The following FOXN3 variants were observed in gnomAD, a reference collection of about 807,000 sequenced individuals.
FOXN3 encodes forkhead box protein N3.
In FOXN3, 7 loss-of-function variants were observed where a neutral mutation model predicts 38.4. The observed-to-expected ratio is 0.18, with a 90% confidence interval of 0.10 to 0.34. The LOEUF is 0.34. FOXN3 is among the 10% of genes least tolerant of loss of function. FOXN3 has a pLI of 1.00. For missense variants in FOXN3, 456 were observed against 613.4 expected (o/e 0.74, Z 2.71); for synonymous variants, 230 against 242.2 (o/e 0.95, Z 0.47).
chr14:89,419,079 T>G, upstream of FOXN3: 19 of 455,728 alleles, frequency 4.2e-5, 1 homozygote, highest in South Asian at 2.9e-4. Flanking sequence ...AAGGTGATTG[T>G]ACATGGAATA....
chr14:89,363,265 C>T (rs1284452695), intron 2 of FOXN3, among the ~76,000 whole-genome samples: 1 of 152,180 alleles, frequency 6.6e-6, no homozygotes, highest in Non-Finnish European at 1.5e-5. Context: ...TTCTTGTCAC[C>T]ATACCTCCTC....
intron 4 of FOXN3, among the ~76,000 whole-genome samples, chr14:89,270,307 A>G (rs748912534): frequency 6.6e-6 from 1 of 152,198 alleles, no homozygotes; most frequent in Non-Finnish European, 1.5e-5. Context: ...GGAAGGATCT[A>G]TGTTACTATT....
chr14:89,201,349 C>T (rs774784187), intron 4 of FOXN3, among the ~76,000 whole-genome samples: 24 of 152,168 alleles, frequency 1.6e-4, no homozygotes, highest in Non-Finnish European at 3.4e-4. Flanking sequence ...CGATTAATGC[C>T]GAAGCCCTCT....
intron 1 of FOXN3, among the ~76,000 whole-genome samples, chr14:89,431,585 G>A (rs2140114050): frequency 6.6e-6 from 1 of 152,282 alleles, no homozygotes; most frequent in South Asian, 2.1e-4. Context: ...AGTTCTTGCA[G>A]CTGTTTGTTT....
intron 4 of FOXN3, among the ~76,000 whole-genome samples, chr14:89,235,527 A>G (rs944439609): frequency 6.6e-6 from 1 of 152,192 alleles, no homozygotes; most frequent in African/African-American, 2.4e-5. Flanking sequence ...GGGTCCTGGC[A>G]ATCATGGCAG....
At chr14:89,554,649 C>A (rs887733326) in intron 1 of FOXN3, among the ~76,000 whole-genome samples, 6 of 151,992 alleles carry the variant, frequency 3.9e-5, no homozygotes, top group Non-Finnish European at 7.4e-5. Flanking sequence ...TACTTCTCAA[C>A]AGCAAAAGAA....
At chr14:89,560,774 T>A (rs1259580561) in intron 1 of FOXN3, among the ~76,000 whole-genome samples, 3 of 152,186 alleles carry the variant, frequency 2.0e-5, no homozygotes, top group African/African-American at 4.8e-5. Flanking sequence ...TTTATACACA[T>A]CCACGTGGCT....
intron 1 of FOXN3, among the ~76,000 whole-genome samples, chr14:89,579,126 A>T (rs1895693232): frequency 6.7e-6 from 1 of 149,674 alleles, no homozygotes; most frequent in Non-Finnish European, 1.5e-5. Flanking sequence ...CTAGGATTAC[A>T]GGCATGAGCC....
At chr14:89,237,056 T>C (rs1213226738) in intron 4 of FOXN3, among the ~76,000 whole-genome samples, 1 of 152,108 alleles carries the variant, frequency 6.6e-6, no homozygotes, top group African/African-American at 2.4e-5. Context: ...ACATGATCAT[T>C]TGGCAAACAA....
At chr14:89,204,702 G>A (rs1888331196) in intron 4 of FOXN3, among the ~76,000 whole-genome samples, 2 of 152,060 alleles carry the variant, frequency 1.3e-5, no homozygotes, top group South Asian at 4.1e-4. Context: ...GTCCTACATT[G>A]GTACAATGAG....
intron 3 of FOXN3, among the ~76,000 whole-genome samples, chr14:89,284,230 G>A (rs1210318914): frequency 2.0e-5 from 3 of 151,832 alleles, no homozygotes; most frequent in Non-Finnish European, 4.4e-5. Flanking sequence ...TGCTGAGGCT[G>A]GTCTCAAACT....
chr14:89,609,075 G>T (rs1389158819), intron 1 of FOXN3, among the ~76,000 whole-genome samples: 1 of 152,202 alleles, frequency 6.6e-6, no homozygotes, highest in African/African-American at 2.4e-5. Context: ...AGCGAGTTCA[G>T]GGGTGAAGAG....
At chr14:89,284,439 AC>A in intron 3 of FOXN3, 1 of 456,068 alleles carries the variant, frequency 2.2e-6, no homozygotes, top group South Asian at 1.5e-5. Context: ...ATAGAGACAC[AC>A]GCATCAACAG....
chr14:89,597,995 C>T (rs911887036), intron 1 of FOXN3, among the ~76,000 whole-genome samples: 1 of 151,320 alleles, frequency 6.6e-6, no homozygotes, highest in Non-Finnish European at 1.5e-5. Context: ...TTCTATTTTT[C>T]ATCTTTGTTT....
intron 1 of FOXN3, among the ~76,000 whole-genome samples, chr14:89,590,901 CAGAG>C (rs1179413308): frequency 2.0e-5 from 3 of 152,148 alleles, no homozygotes; most frequent in African/African-American, 4.8e-5. Context: ...GAATGCCACT[CAGAG>C]AGGCCAGGAA....
Position 89,467,800 on chromosome 14 carries a change from CTTTGTTTTTTTT to C in FOXN3, c.-14-55322_-14-55311del, listed in dbSNP as rs1416259385. The stretch of plus-strand genomic sequence containing the variant: ...TCTTCTTCTTCCTTTTCTTTTCTTT[CTTTGTTTTTTTT>C]TTTTTTTTTTTTTTTTGGGTAGAGA... On this transcript the variant is annotated intron_variant, in intron 1 of 6. Coordinates refer to the FOXN3 transcript ENST00000345097. 9.3e-4 allele frequency among the ~76,000 whole-genome samples: 54 copies of C among 57,916 alleles called. 1 individual carries two copies. The highest frequency in any genetic ancestry group is 2.5e-3 in the African/African-American group (48 of 18,836). The allele number at this position is 57,916 out of a possible 152,430, so 38.0% of individuals were successfully genotyped here.
intron 2 of FOXN3, among the ~76,000 whole-genome samples, chr14:89,388,477 G>A (rs929264762): frequency 1.3e-5 from 2 of 152,126 alleles, no homozygotes; most frequent in Non-Finnish European, 2.9e-5. Context: ...CAGGGTCAGC[G>A]CCTAGGAAGC....
intron 5 of FOXN3, among the ~76,000 whole-genome samples, chr14:89,178,334 G>A (rs1887579715): frequency 6.6e-6 from 1 of 152,124 alleles, no homozygotes; most frequent in African/African-American, 2.4e-5. Flanking sequence ...ACTTTTTGTA[G>A]AGCTGGGATC....
chr14:89,505,668 C>T (rs533212091), intron 1 of FOXN3, among the ~76,000 whole-genome samples: 7 of 149,562 alleles, frequency 4.7e-5, no homozygotes, highest in Middle Eastern at 3.4e-3. Context: ...CCCAAAGTGC[C>T]GAGATTGCAG....
Sources: gnomAD v4.1 joint callset for allele counts (sites outside exome capture counted in the v4.1 genomes callset) on GRCh38, gnomAD v4.1.1 for gene constraint, MANE v1.5 for transcripts, NCBI Gene and HGNC (gene_info 2026-07-23, HGNC 2026-07-21) for gene names.